ELOVL6: variants seen among roughly 807,000 people sequenced by gnomAD.
The protein encoded by ELOVL6 is very long chain fatty acid elongase 6.
Under a neutral mutation model 31.7 loss-of-function variants are expected in ELOVL6, and 8 were observed. The observed-to-expected ratio is 0.25, with a 90% CI of 0.15 to 0.45. The LOEUF (loss-of-function observed/expected upper bound fraction) is 0.45, where lower values mean the gene tolerates loss of function less well. ELOVL6 is among the 20% of genes least tolerant of loss of function. The probability of loss-of-function intolerance (pLI) is 1.00; values close to 1 mark genes in which losing one functional copy is unlikely to be tolerated. For synonymous variants in ELOVL6, 101 were observed against 117.7 expected, an observed-to-expected ratio of 0.86 and a Z score of 0.92; for missense variants, 126 against 326.4, an observed-to-expected ratio of 0.39 and a Z score of 4.73.
chr4:110,101,335 T>G (rs1011839405), intron 2 of ELOVL6, among the ~76,000 whole-genome samples: 6 of 152,002 alleles, frequency 3.9e-5, no homozygotes, highest in African/African-American at 1.5e-4. Context: ...CCACCACGCC[T>G]GGCCAGAAGA....
At chr4:110,157,330 C>T (rs1008291167) in intron 1 of ELOVL6, among the ~76,000 whole-genome samples, 13 of 152,030 alleles carry the variant, frequency 8.6e-5, no homozygotes, top group African/African-American at 3.1e-4. Context: ...AATAATAGTA[C>T]ACAGTAATTA....
At chr4:110,084,547 C>T (rs1190334091) in intron 2 of ELOVL6, among the ~76,000 whole-genome samples, 13 of 72,878 alleles carry the variant, frequency 1.8e-4, no homozygotes, top group African/African-American at 7.6e-4. Context: ...CACACACACA[C>T]ACACACACAC....
chr4:110,116,927 G>T (rs1013525329), intron 1 of ELOVL6, among the ~76,000 whole-genome samples: 2 of 151,914 alleles, frequency 1.3e-5, no homozygotes, highest in African/African-American at 2.4e-5. Flanking sequence ...GTTTTCTCTT[G>T]CTTCTTCTCC....
At chr4:110,144,385 A>C (rs148032890) in intron 1 of ELOVL6, among the ~76,000 whole-genome samples, 2 of 152,360 alleles carry the variant, frequency 1.3e-5, no homozygotes, top group African/African-American at 4.8e-5. Flanking sequence ...AAACGACCCC[A>C]TGCTTACAGT....
chr4:110,148,245 A>G (rs1003543758), intron 1 of ELOVL6, among the ~76,000 whole-genome samples: 1 of 152,218 alleles, frequency 6.6e-6, no homozygotes, highest in African/African-American at 2.4e-5. Flanking sequence ...AGTCATCAGA[A>G]AAATTCAAAT....
chr4:110,183,369 G>A (rs111627288), intron 1 of ELOVL6, among the ~76,000 whole-genome samples: 3 of 152,162 alleles, frequency 2.0e-5, no homozygotes, highest in African/African-American at 7.2e-5. Flanking sequence ...CCTGCTTTCC[G>A]GGCAGAACCA....
At chr4:110,124,419 G>A (rs1186753245) in intron 1 of ELOVL6, among the ~76,000 whole-genome samples, 5 of 152,272 alleles carry the variant, frequency 3.3e-5, no homozygotes, top group Admixed American at 3.3e-4. Context: ...CATGGATGAA[G>A]TTGGAAGCCA....
At chr4:110,182,635 G>A (rs149060455) in intron 1 of ELOVL6, among the ~76,000 whole-genome samples, 2,424 of 152,222 alleles carry the variant, frequency 0.016, 65 homozygotes, top group African/African-American at 0.055. Flanking sequence ...GAGGCCGGGC[G>A]CGGTGGCTCA....
At chr4:110,161,294 A>G (rs1256641900) in intron 1 of ELOVL6, among the ~76,000 whole-genome samples, 1 of 152,188 alleles carries the variant, frequency 6.6e-6, no homozygotes, top group Non-Finnish European at 1.5e-5. Context: ...AATGCTATGT[A>G]TTATATACTA....
intron 2 of ELOVL6, among the ~76,000 whole-genome samples, chr4:110,084,570 A>ATTTT (rs1560815844): frequency 2.4e-5 from 1 of 41,324 alleles, no homozygotes; most frequent in African/African-American, 1.9e-4. Context: ...ACAGATATAT[A>ATTTT]TATATATATA....
chr4:110,125,573 C>T (rs1045481893), intron 1 of ELOVL6, among the ~76,000 whole-genome samples: 14 of 152,066 alleles, frequency 9.2e-5, no homozygotes, highest in Admixed American at 7.9e-4. Context: ...GTAATCCCAG[C>T]ACTTTGGGAG....
intron 1 of ELOVL6, among the ~76,000 whole-genome samples, chr4:110,183,441 TATA>T (rs747508680): frequency 6.6e-6 from 1 of 152,160 alleles, no homozygotes; most frequent in Non-Finnish European, 1.5e-5. Context: ...AAAACCAAGC[TATA>T]AACCAGCCAC....
In ELOVL6 at chr4:110,084,146, G is replaced by GAT. The variant is rs1181726024; in HGVS notation, c.221+21349_221+21350dup. On this transcript the variant is annotated intron_variant, in intron 2 of 3. Coordinates refer to ENST00000302274, the MANE Select transcript of ELOVL6 (RefSeq NM_024090.3). ...ACATATATGTGATAATGATATATAT[G>GAT]ATATATATAACATATATGTGATATA... Among the ~76,000 whole-genome samples, 46 of 64,760 alleles carry GAT rather than the reference G, an allele frequency of 7.1e-4. 5 individuals are homozygous for GAT. Among genetic ancestry groups the GAT allele is most frequent in the Admixed American group, 1.2e-3 (7 of 5,676 alleles). 42.5% of individuals were successfully genotyped at this position (64,760 alleles called of 152,430 possible). A position where few individuals can be genotyped will look rare whatever the true frequency, so the allele number is the denominator to read the frequency against.
chr4:110,093,554 G>A (rs1352206512), intron 2 of ELOVL6, among the ~76,000 whole-genome samples: 2 of 152,234 alleles, frequency 1.3e-5, no homozygotes, highest in South Asian at 2.1e-4. Flanking sequence ...CTTGGAAATA[G>A]GTGAAATTCC....
intron 2 of ELOVL6, among the ~76,000 whole-genome samples, chr4:110,084,408 G>GATATATC (rs1756128215): frequency 3.6e-5 from 1 of 27,408 alleles, no homozygotes; most frequent in South Asian, 1.1e-3. Flanking sequence ...TATGATATAT[G>GATATATC]ACATACATGA....
At chr4:110,109,623 T>G (rs1756975044) in intron 1 of ELOVL6, among the ~76,000 whole-genome samples, 1 of 152,204 alleles carries the variant, frequency 6.6e-6, no homozygotes, top group South Asian at 2.1e-4. Flanking sequence ...TGATTGGTAT[T>G]TCTTGCTTTA....
At chr4:110,097,300 A>G in intron 2 of ELOVL6, among the ~76,000 whole-genome samples, 1 of 122,956 alleles carries the variant, frequency 8.1e-6, no homozygotes, top group Non-Finnish European at 1.6e-5. Context: ...GCGAGACTCC[A>G]TCTCCAAAAA....
chr4:110,164,226 A>C (rs1354197146), intron 1 of ELOVL6, among the ~76,000 whole-genome samples: 1 of 152,202 alleles, frequency 6.6e-6, no homozygotes, highest in Non-Finnish European at 1.5e-5. Flanking sequence ...GCTCAAGTTC[A>C]CCAAGTCATT....
intron 1 of ELOVL6, among the ~76,000 whole-genome samples, chr4:110,150,846 C>A (rs1758258678): frequency 6.6e-6 from 1 of 152,032 alleles, no homozygotes; most frequent in South Asian, 2.1e-4. Flanking sequence ...AGTTTGAGAC[C>A]AGCCTGGCCA....
Sources: allele counts gnomAD v4.1 joint callset (sites outside exome capture counted in the v4.1 genomes callset), GRCh38; gene constraint gnomAD v4.1.1; transcripts MANE v1.5; gene names NCBI Gene and HGNC (gene_info 2026-07-23, HGNC 2026-07-21).